The following GPC6 variants were observed in gnomAD, a reference collection of about 807,000 sequenced individuals.
The protein encoded by GPC6 is glypican-6.
In GPC6, 14 loss-of-function variants were observed where a neutral mutation model predicts 55.2. The ratio of observed to expected loss-of-function variants is 0.25; its 90% CI spans 0.17 to 0.40. GPC6 has a LOEUF of 0.40. GPC6 is among the 10% of genes least tolerant of loss of function. The pLI is 1.00. For missense variants in GPC6, 641 were observed against 708.5 expected (o/e 0.90, Z 1.08); for synonymous variants, 278 against 259.6 (o/e 1.07, Z -0.68).
chr13:93,867,596 A>T lies in GPC6; in HGVS notation c.711+37051A>T, dbSNP rs1249209290. ...CCATTTGTATAAACTCTTCTCGGAA[A>T]CCCTTGTCAACATGCCCCAAATGGA... On this transcript the variant is annotated intron_variant, in intron 3 of 8. Coordinates refer to ENST00000377047, the MANE Select transcript of GPC6 (RefSeq NM_005708.5). Among the ~76,000 whole-genome samples, 4 of 151,706 alleles carry T rather than the reference A, an allele frequency of 2.6e-5. No homozygotes were observed. In the East Asian group the frequency reaches 7.8e-4, roughly 30 times the overall value.
At chr13:93,281,515 CT>C (rs2139067785) in intron 1 of GPC6, among the ~76,000 whole-genome samples, 1 of 152,266 alleles carries the variant, frequency 6.6e-6, no homozygotes, top group Non-Finnish European at 1.5e-5. Context: ...AAGAATGTTA[CT>C]TTAAATGAAA....
chr13:93,342,288 C>T (rs1462677642), intron 1 of GPC6, among the ~76,000 whole-genome samples: 1 of 151,956 alleles, frequency 6.6e-6, no homozygotes, highest in Non-Finnish European at 1.5e-5. Context: ...TGAAGAAATA[C>T]CTGAGATTGG....
At chr13:93,696,071 T>A (rs990764142) in intron 2 of GPC6, among the ~76,000 whole-genome samples, 8 of 152,190 alleles carry the variant, frequency 5.3e-5, no homozygotes, top group Admixed American at 3.9e-4. Context: ...CTTTTTGAAA[T>A]GTATTCCCAA....
At chr13:94,017,059 T>C (rs1243714178) in intron 3 of GPC6, among the ~76,000 whole-genome samples, 1 of 152,138 alleles carries the variant, frequency 6.6e-6, no homozygotes, top group Non-Finnish European at 1.5e-5. Context: ...GGTCTTGAAC[T>C]CCTGAACTCG....
intron 4 of GPC6, among the ~76,000 whole-genome samples, chr13:94,236,600 C>A (rs1380624618): frequency 6.6e-6 from 1 of 151,972 alleles, no homozygotes. Context: ...GAATATAAAC[C>A]AAGGTGAGGC....
At chr13:93,664,762 C>A (rs1013866837) in intron 2 of GPC6, among the ~76,000 whole-genome samples, 39 of 152,242 alleles carry the variant, frequency 2.6e-4, no homozygotes, top group African/African-American at 8.7e-4. Context: ...GGATTACAGG[C>A]ATGCGCCACC....
At chr13:93,933,624 T>G (rs1176503550) in intron 3 of GPC6, among the ~76,000 whole-genome samples, 3 of 152,158 alleles carry the variant, frequency 2.0e-5, no homozygotes, top group Non-Finnish European at 4.4e-5. Context: ...TATATAAAAG[T>G]ATATAAAATC....
intron 6 of GPC6, among the ~76,000 whole-genome samples, chr13:94,315,658 C>T (rs1313050082): frequency 1.3e-5 from 2 of 152,206 alleles, no homozygotes; most frequent in Non-Finnish European, 1.5e-5. Flanking sequence ...ACCACAAACA[C>T]TATGATGAAG....
At chr13:94,085,321 CAAAAA>C (rs33967804) in intron 4 of GPC6, among the ~76,000 whole-genome samples, 89 of 87,066 alleles carry the variant, frequency 1.0e-3, no homozygotes, top group South Asian at 5.0e-3. Context: ...GATTCTGTCT[CAAAAA>C]AAAAAAAAAA....
chr13:94,305,369 C>T (rs1875887485), intron 5 of GPC6, among the ~76,000 whole-genome samples: 1 of 152,128 alleles, frequency 6.6e-6, no homozygotes, highest in Non-Finnish European at 1.5e-5. Context: ...GAACTCATAG[C>T]ACTATAACTC....
At position 93,227,682 on chromosome 13, in the gene GPC6, C is replaced by G; in HGVS notation, c.160+66C>G. 1.5e-6 allele frequency: 2 copies of G among 1,306,278 alleles called. No individual in the cohort carries two copies. Among genetic ancestry groups the G allele is most frequent in the South Asian group, 2.5e-5 (2 of 79,420 alleles). 80.9% of individuals were successfully genotyped at this position (1,306,278 alleles called of 1,614,324 possible). A position where few individuals can be genotyped will look rare whatever the true frequency, so the allele number is the denominator to read the frequency against. Reference sequence around the variant, plus strand: ...GCTGCCGCACGTCCCACTGGCCGCCCGGCGTCCCCTTCCTTCCCCCTGTTG... The same window carrying G: ...GCTGCCGCACGTCCCACTGGCCGCCGGGCGTCCCCTTCCTTCCCCCTGTTG... On this transcript the variant is annotated intron_variant, in intron 1 of 8. Coordinates refer to ENST00000377047, the MANE Select transcript of GPC6 (RefSeq NM_005708.5). This position sits in a 1 kb window ranked among gnomAD's most constrained non-coding sequence, Gnocchi z 4.3.
Position 93,618,898 on chromosome 13 carries a change from T to A in GPC6, c.319+73477T>A, listed in dbSNP as rs146288404. Among the ~76,000 whole-genome samples, 61 of 152,274 alleles carry A rather than the reference T, an allele frequency of 4.0e-4. No individual in the cohort carries two copies. The East Asian group carries it at 0.012, about 29-fold the overall frequency. ...TGATTTTGTCTTGTGTGAACATCGTTGAGTATACATCTACAAACCTAAATG... is the reference window on the plus strand; with the variant it reads ...TGATTTTGTCTTGTGTGAACATCGTAGAGTATACATCTACAAACCTAAATG... On this transcript the variant is annotated intron_variant, in intron 2 of 8. Transcript: ENST00000377047.
At chr13:94,351,962 C>CAAAAAAAAAAAAAAAAAAAA (rs60206836) in intron 6 of GPC6, among the ~76,000 whole-genome samples, 13 of 101,480 alleles carry the variant, frequency 1.3e-4, no homozygotes, top group East Asian at 3.1e-4. Context: ...GAGAAGAAGG[C>CAAAAAAAAAAAAAAAAAAAA]AAAAAAAAAA....
intron 4 of GPC6, among the ~76,000 whole-genome samples, chr13:94,180,473 A>G (rs1888952242): frequency 2.0e-5 from 3 of 152,294 alleles, no homozygotes; most frequent in South Asian, 4.1e-4. Flanking sequence ...GCTTAAGTAG[A>G]TAATGAAAAT....
At chr13:94,038,580 A>G (rs1480310186) in intron 4 of GPC6, among the ~76,000 whole-genome samples, 1 of 151,920 alleles carries the variant, frequency 6.6e-6, no homozygotes, top group Non-Finnish European at 1.5e-5. Flanking sequence ...CTTAGGGAAC[A>G]TAATTTAACC....
At chr13:93,821,591 T>C (rs1051902469) in intron 2 of GPC6, among the ~76,000 whole-genome samples, 5 of 152,288 alleles carry the variant, frequency 3.3e-5, no homozygotes, top group African/African-American at 1.2e-4. Flanking sequence ...ATTATAATCA[T>C]TTGCAACCAC....
intron 8 of GPC6, among the ~76,000 whole-genome samples, chr13:94,402,734 G>A (rs183031895): frequency 2.0e-4 from 30 of 152,292 alleles, no homozygotes; most frequent in Admixed American, 3.9e-4. Flanking sequence ...GGTGGAAGGC[G>A]AAGGGGAAGC....
At chr13:93,778,128 A>G (rs1441238964) in intron 2 of GPC6, among the ~76,000 whole-genome samples, 1 of 152,162 alleles carries the variant, frequency 6.6e-6, no homozygotes, top group African/African-American at 2.4e-5. Flanking sequence ...TTCCCTGCTA[A>G]ATCTGTTAAC....
chr13:94,352,463 T>C (rs1878598456), intron 6 of GPC6, among the ~76,000 whole-genome samples: 1 of 152,138 alleles, frequency 6.6e-6, no homozygotes, highest in Non-Finnish European at 1.5e-5. Flanking sequence ...TGGGAGGCAC[T>C]GTAGGAGCTC....
Sources: allele counts gnomAD v4.1 joint callset (sites outside exome capture counted in the v4.1 genomes callset), GRCh38; gene constraint gnomAD v4.1.1; non-coding constraint Gnocchi (gnomAD v3.1); transcripts MANE v1.5; gene names NCBI Gene and HGNC (gene_info 2026-07-23, HGNC 2026-07-21).